ZEB2: variants seen among roughly 807,000 people sequenced by gnomAD.
ZEB2 encodes the protein zinc finger E-box-binding homeobox 2.
A neutral mutation model predicts 99.9 loss-of-function variants in ZEB2; 6 were observed. That is an observed-to-expected ratio of 0.06 (90% CI 0.03 to 0.12). The LOEUF is 0.12. ZEB2 is among the 10% of genes least tolerant of loss of function. The pLI is 1.00. For missense variants in ZEB2, 969 were observed against 1,502.8 expected (o/e 0.64, Z 5.87); for synonymous variants, 517 against 542.5 (o/e 0.95, Z 0.65).
At chr2:144,501,820 C>CTATG (rs1704873706) in intron 2 of ZEB2, among the ~76,000 whole-genome samples, 2 of 152,148 alleles carry the variant, frequency 1.3e-5, no homozygotes, top group Admixed American at 1.3e-4. Flanking sequence ...TTGTTCACAC[C>CTATG]TATGGGATTG....
chr2:144,504,476 CTG>C (rs1362331857), intron 2 of ZEB2: 1 of 152,250 alleles, frequency 6.6e-6, no homozygotes, highest in Non-Finnish European at 1.5e-5. Context: ...TGTACTTTGG[CTG>C]TCTCTTTTCC....
intron 2 of ZEB2, among the ~76,000 whole-genome samples, chr2:144,447,174 G>A (rs566476219): frequency 1.3e-5 from 2 of 152,088 alleles, no homozygotes; most frequent in African/African-American, 4.8e-5. Context: ...TGTTTTACAC[G>A]CAAGATTTCT....
intron 2 of ZEB2, chr2:144,512,197 G>C (rs1705051766): frequency 1.6e-6 from 2 of 1,287,088 alleles, no homozygotes; most frequent in Non-Finnish European, 2.0e-6. Context: ...CCCTCTCTCT[G>C]TGACAGGCAC....
At chr2:144,494,577 T>C (rs1468170888) in intron 2 of ZEB2, 1 of 152,204 alleles carries the variant, frequency 6.6e-6, no homozygotes, top group Admixed American at 6.5e-5. Context: ...CGTAGGAATA[T>C]GCAGCTGTAA....
Position 144,401,293 on chromosome 2 carries a change from G to C in ZEB2, c.822C>G (p.Thr274=), listed in dbSNP as rs1418376088. ...KPGTDQHQML[T]QGAGNRKFKC... is the part of the protein sequence containing the mutation. ...TGAACTTGCGATTACCTGCTCCTTG[G>C]GTTAGCATTTGGTGCTATAAAAGGA... Residue 274 remains threonine (T), a synonymous_variant, in exon 7 of 10, where the codon ACC becomes ACG. Coordinates refer to ENST00000627532, the MANE Select transcript of ZEB2 (RefSeq NM_014795.4). 6.2e-7 allele frequency: 1 copy of C among 1,613,964 alleles called. No individual in the cohort carries two copies. Among genetic ancestry groups the C allele is most frequent in the Non-Finnish European group, 8.5e-7 (1 of 1,179,950 alleles).
chr2:144,401,801 A>C (rs1270945416), intron 6 of ZEB2, among the ~76,000 whole-genome samples: 1 of 152,202 alleles, frequency 6.6e-6, no homozygotes, highest in East Asian at 1.9e-4. Context: ...GCAATCTAAA[A>C]TTTAAAAAAG....
Position 144,511,516 on chromosome 2 carries a change from G to A in ZEB2, c.73+5762C>T, listed in dbSNP as rs73962025. 0.013 allele frequency: 16,616 copies of A among 1,282,128 alleles called. 1,179 individuals carry two copies. In the African/African-American group the frequency reaches 0.18, roughly 14 times the overall value. 79.4% of individuals were successfully genotyped at this position (1,282,128 alleles called of 1,614,324 possible). A position where few individuals can be genotyped will look rare whatever the true frequency, so the allele number is the denominator to read the frequency against. On this transcript the variant is annotated intron_variant, in intron 2 of 9. Transcript: ENST00000627532. ...TAGCTATTAAGGCAAAGGCTTCCATGGAGCCTACTGATTATTATCGTTTTC... is the reference window on the plus strand; with the variant it reads ...TAGCTATTAAGGCAAAGGCTTCCATAGAGCCTACTGATTATTATCGTTTTC...
chr2:144,472,218 TCATCATATC>T (rs1468535452), intron 2 of ZEB2, among the ~76,000 whole-genome samples: 1 of 150,918 alleles, frequency 6.6e-6, no homozygotes, highest in East Asian at 2.0e-4. Flanking sequence ...ATCATCATCA[TCATCATATC>T]ATCATCATTC....
At chr2:144,451,470 T>C (rs1287233062) in intron 2 of ZEB2, among the ~76,000 whole-genome samples, 2 of 152,222 alleles carry the variant, frequency 1.3e-5, no homozygotes, top group Non-Finnish European at 2.9e-5. Context: ...TTAGGCCTCA[T>C]TAAGAAAAAT....
chr2:144,446,748 C>T (rs375550144), intron 2 of ZEB2, among the ~76,000 whole-genome samples: 15 of 152,152 alleles, frequency 9.9e-5, no homozygotes, highest in Middle Eastern at 3.4e-3. Context: ...GACGCGGTGG[C>T]TCACACCTGT....
At chr2:144,456,588 T>TA (rs985526048) in intron 2 of ZEB2, among the ~76,000 whole-genome samples, 2 of 151,994 alleles carry the variant, frequency 1.3e-5, no homozygotes, top group African/African-American at 2.4e-5. Flanking sequence ...GTATCTGGTG[T>TA]AAAAAAAATT....
intron 2 of ZEB2, chr2:144,514,147 C>A: frequency 3.9e-6 from 1 of 259,344 alleles, no homozygotes; most frequent in Non-Finnish European, 7.5e-6. Flanking sequence ...GGTTGTATTT[C>A]AGATACTTGT....
Position 144,511,560 on chromosome 2 carries a change from T to G in ZEB2, c.73+5718A>C, listed in dbSNP as rs1705039410. 4 of 1,278,980 alleles carry G rather than the reference T, an allele frequency of 3.1e-6. No homozygotes were observed. The South Asian group carries it at 3.8e-5, about 12-fold the overall frequency. The allele number at this position is 1,278,980 out of a possible 1,614,324, so 79.2% of individuals were successfully genotyped here. A position where few individuals can be genotyped will look rare whatever the true frequency, so the allele number is the denominator to read the frequency against. On this transcript the variant is annotated intron_variant, in intron 2 of 9. Transcript: ENST00000627532. ...CGTTTTCCTTTTAAAAACTGCTTGATGAAGAAATACTTGGATCTTACTTTT... is the reference window on the plus strand; with the variant it reads ...CGTTTTCCTTTTAAAAACTGCTTGAGGAAGAAATACTTGGATCTTACTTTT...
chr2:144,496,027 C>G (rs1457602723), intron 2 of ZEB2: 3 of 152,268 alleles, frequency 2.0e-5, no homozygotes, highest in South Asian at 4.1e-4. Context: ...AACAAGCAAG[C>G]CTGGCAAAGA....
intron 4 of ZEB2, among the ~76,000 whole-genome samples, chr2:144,413,117 T>A (rs1703487573): frequency 6.6e-6 from 1 of 152,230 alleles, no homozygotes; most frequent in South Asian, 2.1e-4. Flanking sequence ...CTTTAATCAG[T>A]TTGCTTTTTC....
In ZEB2 at chr2:144,492,942, C is replaced by T. The variant is rs372717714; in HGVS notation, c.73+24336G>A. ...CCTGAGCTGAGATGGGCAAGACTGC[C>T]CTCAAGCCATTTACACATTTGTGGG... On this transcript the variant is annotated intron_variant, in intron 2 of 9. Transcript: ENST00000627532. Among the ~76,000 whole-genome samples the T allele has an allele frequency of 3.0e-4, 45 of 152,212 alleles. No individual in the cohort carries two copies. In the South Asian group the frequency reaches 9.1e-3, roughly 31 times the overall value.
rs866743819 is a variant in ZEB2 at position 144,481,530 on chromosome 2, G to A, written c.73+35748C>T. 4.6e-5 allele frequency among the ~76,000 whole-genome samples: 7 copies of A among 152,154 alleles called. No homozygotes were observed. The South Asian group carries it at 1.2e-3, about 27-fold the overall frequency. ...TAGAGCCCCAAGGGGTACACTTTTAGAACATTCAGGGCAAGGAAGTATTTT... is the reference window on the plus strand; with the variant it reads ...TAGAGCCCCAAGGGGTACACTTTTAAAACATTCAGGGCAAGGAAGTATTTT... On this transcript the variant is annotated intron_variant, in intron 2 of 9. Coordinates refer to ENST00000627532, the MANE Select transcript of ZEB2 (RefSeq NM_014795.4).
At chr2:144,396,670 T>G in intron 8 of ZEB2, 78 bp from the exon 9 acceptor site, 1 of 1,501,422 alleles carries the variant, frequency 6.7e-7, no homozygotes, top group Non-Finnish European at 9.1e-7. Context: ...GGGGGACATT[T>G]GGAGAACCTC....
rs974230289 is a variant in ZEB2 at position 144,385,426 on chromosome 2, T to C, written c.*4025A>G. 2.0e-5 allele frequency: 3 copies of C among 152,330 alleles called. No individual in the cohort carries two copies. The South Asian group carries it at 6.2e-4, about 32-fold the overall frequency. 9.4% of individuals were successfully genotyped at this position (152,330 alleles called of 1,614,324 possible). A position where few individuals can be genotyped will look rare whatever the true frequency, so the allele number is the denominator to read the frequency against. On this transcript the variant is annotated 3_prime_UTR_variant, in exon 10 of 10. Coordinates refer to ENST00000627532, the MANE Select transcript of ZEB2 (RefSeq NM_014795.4). ...TCCCCATGTGAATTCTTTGGTGTTTTTTCCCCCTCTTTTTTTAGTGCTATG... is the reference window on the plus strand; with the variant it reads ...TCCCCATGTGAATTCTTTGGTGTTTCTTCCCCCTCTTTTTTTAGTGCTATG...
Sources: gnomAD v4.1 joint callset for allele counts (sites outside exome capture counted in the v4.1 genomes callset) on GRCh38, gnomAD v4.1.1 for gene constraint, MANE v1.5 for transcripts, NCBI Gene and HGNC (gene_info 2026-07-23, HGNC 2026-07-21) for gene names.